Variants in SLC36A1 observed in about 807,000 individuals in gnomAD.
SLC36A1 encodes the protein proton-coupled amino acid transporter 1.
A neutral mutation model predicts 47.5 loss-of-function variants in SLC36A1; 30 were observed. That is an observed-to-expected ratio of 0.63 (90% CI 0.47 to 0.86). The LOEUF (loss-of-function observed/expected upper bound fraction) is 0.86, where lower values mean the gene tolerates loss of function less well. Ranked by LOEUF, SLC36A1 falls within the 40% of genes least tolerant of loss-of-function variation. The probability of loss-of-function intolerance (pLI) is 0.00; values close to 1 mark genes in which losing one functional copy is unlikely to be tolerated. For synonymous variants in SLC36A1, 255 were observed against 249.7 expected (o/e 1.02, Z -0.20); for missense variants, 517 against 606.0 (o/e 0.85, Z 1.54).
At chr5:151,384,147 CATAACATGTTGCA>C in the SLC36A1 span, among the ~76,000 whole-genome samples, 1 of 152,260 alleles carries the variant, frequency 6.6e-6, no homozygotes, top group East Asian at 1.9e-4. Flanking sequence ...GTATGAGCTG[CATAACATGTTGCA>C]CCCTAGATTG....
At chr5:151,461,478 T>C (rs181551442) in intron 2 of SLC36A1, among the ~76,000 whole-genome samples, 37 of 152,306 alleles carry the variant, frequency 2.4e-4, no homozygotes, top group Non-Finnish European at 4.4e-4. Flanking sequence ...ACCAGCAGAC[T>C]GAAACTGGCT....
chr5:151,460,120 T>C (rs1421532728), intron 2 of SLC36A1, among the ~76,000 whole-genome samples: 10 of 152,200 alleles, frequency 6.6e-5, no homozygotes, highest in Non-Finnish European at 1.5e-5. Context: ...CTGCCCCTCT[T>C]TCCTCCAACC....
chr5:151,398,483 G>A, the SLC36A1 span, among the ~76,000 whole-genome samples: 1 of 152,158 alleles, frequency 6.6e-6, no homozygotes, highest in Non-Finnish European at 1.5e-5. Context: ...CCTGAACAAA[G>A]GATGGAAAAG....
intron 7 of SLC36A1, 101 bp downstream of exon 7, chr5:151,468,026 C>G: frequency 1.5e-4 from 116 of 797,334 alleles, no homozygotes; most frequent in Non-Finnish European, 2.2e-4. Flanking sequence ...GAGGTGGGGG[C>G]GGGTGGATCA....
the SLC36A1 span, chr5:151,534,640 C>A: frequency 1.2e-6 from 2 of 1,603,296 alleles, no homozygotes; most frequent in Non-Finnish European, 8.5e-7. Context: ...GTGGTCAGCT[C>A]CCCTGGTCGG....
the SLC36A1 span, among the ~76,000 whole-genome samples, chr5:151,386,502 G>A: frequency 2.0e-5 from 3 of 151,972 alleles, no homozygotes; most frequent in Non-Finnish European, 4.4e-5. Flanking sequence ...GTCCACTTGT[G>A]TGGACATCTG....
the SLC36A1 span, among the ~76,000 whole-genome samples, chr5:151,381,582 G>A: frequency 0.29 from 44,697 of 152,096 alleles, 7,932 homozygotes; most frequent in African/African-American, 0.49. Flanking sequence ...GAGGCTACAA[G>A]ATTCTGACCC....
intron 9 of SLC36A1, 187 bp downstream of exon 9, chr5:151,476,943 G>T: frequency 1.3e-6 from 1 of 758,558 alleles, no homozygotes; most frequent in South Asian, 1.5e-5. Flanking sequence ...TTCATGTAGA[G>T]CCTTCTGCTG....
chr5:151,380,711 A>T, the SLC36A1 span: 1 of 549,134 alleles, frequency 1.8e-6, no homozygotes, highest in Non-Finnish European at 3.7e-6. Context: ...GGAGACCTCT[A>T]GATGTCCATC....
At chr5:151,407,346 T>A in the SLC36A1 span, among the ~76,000 whole-genome samples, 1 of 152,202 alleles carries the variant, frequency 6.6e-6, no homozygotes, top group Non-Finnish European at 1.5e-5. Flanking sequence ...CACAGAGCGC[T>A]GATTGGTGCG....
the SLC36A1 span, among the ~76,000 whole-genome samples, chr5:151,407,028 GCGTCCAGAGTTGTT>G: frequency 6.6e-6 from 1 of 150,848 alleles, no homozygotes; most frequent in Non-Finnish European, 1.5e-5. Context: ...TAAAGGTGGC[GCGTCCAGAGTTGTT>G]TGTTCCTCCC....
the SLC36A1 span, among the ~76,000 whole-genome samples, chr5:151,413,591 T>A: frequency 6.6e-6 from 1 of 152,176 alleles, no homozygotes; most frequent in Non-Finnish European, 1.5e-5. Flanking sequence ...TTACTGATGG[T>A]CACATAACTT....
chr5:151,433,458 T>G (rs1413791699), upstream of SLC36A1, among the ~76,000 whole-genome samples: 3 of 147,906 alleles, frequency 2.0e-5, no homozygotes, highest in Non-Finnish European at 4.5e-5. Context: ...TGTTTTTTTT[T>G]GTGTGTGTTT....
the SLC36A1 span, among the ~76,000 whole-genome samples, chr5:151,399,259 G>C: frequency 2.0e-5 from 3 of 151,390 alleles, no homozygotes; most frequent in Non-Finnish European, 4.4e-5. Flanking sequence ...GCGAATTTTT[G>C]TATTTTTAGT....
the SLC36A1 span, among the ~76,000 whole-genome samples, chr5:151,360,676 G>A: frequency 0.17 from 25,955 of 152,016 alleles, 2,615 homozygotes; most frequent in Non-Finnish European, 0.23. Context: ...TCTGTCCTTT[G>A]CTTTAGTTTC....
the SLC36A1 span, among the ~76,000 whole-genome samples, chr5:151,404,920 CA>C: frequency 6.6e-6 from 1 of 152,122 alleles, no homozygotes; most frequent in Admixed American, 6.6e-5. Flanking sequence ...GAATTTCTTG[CA>C]TTTGCACATA....
the SLC36A1 span, among the ~76,000 whole-genome samples, chr5:151,376,432 T>A: frequency 1.3e-5 from 2 of 152,192 alleles, no homozygotes; most frequent in African/African-American, 4.8e-5. Context: ...TCTGCTCTAA[T>A]CTTTATTATT....
intron 10 of SLC36A1, among the ~76,000 whole-genome samples, chr5:151,481,490 T>C (rs1047493592): frequency 2.6e-5 from 4 of 152,256 alleles, no homozygotes; most frequent in African/African-American, 9.6e-5. Flanking sequence ...TATGTGATTT[T>C]AGATCTTTAA....
At chr5:151,505,666 C>A in the SLC36A1 span, 1 of 1,613,856 alleles carries the variant, frequency 6.2e-7, no homozygotes, top group Non-Finnish European at 8.5e-7. Flanking sequence ...GCAAGAGGTG[C>A]CCCCTCCACC....
Sources: allele counts gnomAD v4.1 joint callset (sites outside exome capture counted in the v4.1 genomes callset), GRCh38; gene constraint gnomAD v4.1.1; transcripts MANE v1.5; gene names NCBI Gene and HGNC (gene_info 2026-07-23, HGNC 2026-07-21).